Variants in SLC25A30 observed in about 807,000 individuals in gnomAD.
The protein encoded by SLC25A30 is kidney mitochondrial carrier protein 1.
A neutral mutation model predicts 42.7 loss-of-function variants in SLC25A30; 29 were observed. The ratio of observed to expected loss-of-function variants is 0.68; its 90% CI spans 0.51 to 0.93. SLC25A30 has a LOEUF of 0.93. SLC25A30 is among the 40% of genes least tolerant of loss of function. The pLI is 0.00. For synonymous variants in SLC25A30, 124 were observed against 131.0 expected (o/e 0.95, Z 0.37); for missense variants, 300 against 359.7 (o/e 0.83, Z 1.34).
At chr13:45,424,698 GATAT>G in the SLC25A30 span, among the ~76,000 whole-genome samples, 3 of 45,878 alleles carry the variant, frequency 6.5e-5, no homozygotes, top group East Asian at 1.6e-3. Flanking sequence ...TATATATAAA[GATAT>G]ATAAATACAT....
intron 3 of SLC25A30, 78 bp downstream of exon 3, chr13:45,408,849 C>T: frequency 1.6e-6 from 2 of 1,270,912 alleles, no homozygotes; most frequent in East Asian, 2.7e-5. Flanking sequence ...TACTTGTGAT[C>T]TGTGCAGTCT....
the SLC25A30 span, among the ~76,000 whole-genome samples, chr13:45,424,114 TA>T: frequency 3.5e-5 from 3 of 84,566 alleles, no homozygotes; most frequent in Non-Finnish European, 6.2e-5. Flanking sequence ...AAAATATATA[TA>T]AATATATATA....
intron 1 of SLC25A30, among the ~76,000 whole-genome samples, chr13:45,415,181 C>T (rs1883411370): frequency 6.6e-6 from 1 of 152,188 alleles, no homozygotes; most frequent in South Asian, 2.1e-4. Context: ...ACATTTTCTT[C>T]ACAGTCCTAT....
the SLC25A30 span, among the ~76,000 whole-genome samples, chr13:45,424,565 GTATAAATATATAAATATA>G: frequency 1.8e-3 from 24 of 13,430 alleles, 1 homozygote; most frequent in East Asian, 0.016. Flanking sequence ...ATATATAAAT[GTATAAATATATAAATATA>G]TATAAATATA....
the SLC25A30 span, among the ~76,000 whole-genome samples, chr13:45,423,733 T>TATATAA: frequency 3.6e-4 from 21 of 58,988 alleles, no homozygotes; most frequent in East Asian, 2.0e-3. Context: ...TATATATAAA[T>TATATAA]ATATATAAAT....
At chr13:45,400,014 T>TTATATATATATATATATATATA (rs1322955547) in intron 7 of SLC25A30, among the ~76,000 whole-genome samples, 12 of 88,678 alleles carry the variant, frequency 1.4e-4, no homozygotes, top group South Asian at 3.4e-4. Context: ...TTATGTATGA[T>TTATATATATATATATATATATA]TATATATATA....
At chr13:45,420,515 ATGACTG>A (rs1392935090), upstream of SLC25A30, 2 of 152,176 alleles carry the variant, frequency 1.3e-5, no homozygotes, top group Non-Finnish European at 2.9e-5. Context: ...TTCCAGACTC[ATGACTG>A]TGTGGTACTA....
intron 7 of SLC25A30, among the ~76,000 whole-genome samples, chr13:45,400,596 AG>A (rs1881876427): frequency 6.6e-6 from 1 of 152,130 alleles, no homozygotes; most frequent in Non-Finnish European, 1.5e-5. Flanking sequence ...TCCTGAGCTC[AG>A]GCAATCCTCC....
At chr13:45,425,606 A>T in the SLC25A30 span, among the ~76,000 whole-genome samples, 1 of 55,958 alleles carries the variant, frequency 1.8e-5, no homozygotes, top group African/African-American at 9.0e-5. Flanking sequence ...ACATATATAT[A>T]TACATATATA....
the SLC25A30 span, among the ~76,000 whole-genome samples, chr13:45,427,666 C>T: frequency 6.6e-6 from 1 of 152,306 alleles, no homozygotes; most frequent in African/African-American, 2.4e-5. Flanking sequence ...TCCTATTAAT[C>T]TGCCGTTTGT....
the SLC25A30 span, among the ~76,000 whole-genome samples, chr13:45,424,646 AATAT>A: frequency 1.7e-5 from 1 of 58,194 alleles, no homozygotes; most frequent in Non-Finnish European, 3.3e-5. Flanking sequence ...TATAAACATA[AATAT>A]ATATAAATAT....
upstream of SLC25A30, among the ~76,000 whole-genome samples, chr13:45,422,866 T>C (rs916597822): frequency 6.6e-6 from 1 of 152,116 alleles, no homozygotes; most frequent in African/African-American, 2.4e-5. Context: ...GAGTTATTTC[T>C]CTTGCTAAGC....
the SLC25A30 span, among the ~76,000 whole-genome samples, chr13:45,430,068 T>G: frequency 1.3e-5 from 2 of 152,004 alleles, no homozygotes; most frequent in Non-Finnish European, 2.9e-5. Flanking sequence ...TTTTTTTTAA[T>G]GAAGGCAACT....
the SLC25A30 span, among the ~76,000 whole-genome samples, chr13:45,424,410 T>C: frequency 3.2e-5 from 2 of 63,396 alleles, no homozygotes; most frequent in African/African-American, 6.5e-5. Context: ...TATATAAAAA[T>C]ATATATAAAT....
chr13:45,425,638 A>AT, the SLC25A30 span, among the ~76,000 whole-genome samples: 2 of 104,512 alleles, frequency 1.9e-5, no homozygotes, highest in Non-Finnish European at 4.1e-5. Flanking sequence ...AAGTATATAT[A>AT]AATATATATA....
At chr13:45,414,278 G>A (rs953145011) in intron 1 of SLC25A30, among the ~76,000 whole-genome samples, 2 of 152,048 alleles carry the variant, frequency 1.3e-5, no homozygotes, top group Non-Finnish European at 2.9e-5. Context: ...GAATAATTTG[G>A]CTTAAATATG....
the SLC25A30 span, among the ~76,000 whole-genome samples, chr13:45,425,519 T>G: frequency 1.0e-5 from 1 of 100,490 alleles, no homozygotes; most frequent in Non-Finnish European, 2.0e-5. Flanking sequence ...TATATAAGCA[T>G]ATATATAAAT....
upstream of SLC25A30, among the ~76,000 whole-genome samples, chr13:45,419,399 A>G (rs1883814038): frequency 6.7e-6 from 1 of 149,418 alleles, no homozygotes; most frequent in Admixed American, 6.7e-5. Context: ...GCTCACTGCA[A>G]CCTCCGCCTC....
upstream of SLC25A30, among the ~76,000 whole-genome samples, chr13:45,418,908 T>C (rs376453064): frequency 1.8e-3 from 207 of 117,288 alleles, 3 homozygotes; most frequent in African/African-American, 6.2e-3. Flanking sequence ...ACCACTGCAC[T>C]CCAGCCTGGG....
Sources: allele counts gnomAD v4.1 joint callset (sites outside exome capture counted in the v4.1 genomes callset), GRCh38; gene constraint gnomAD v4.1.1; transcripts MANE v1.5; gene names NCBI Gene and HGNC (gene_info 2026-07-23, HGNC 2026-07-21).